RBFOX1: variants seen among roughly 807,000 people sequenced by gnomAD.
RBFOX1 encodes RNA binding protein fox-1 homolog 1.
A neutral mutation model predicts 57.7 loss-of-function variants in RBFOX1; 8 were observed. The observed-to-expected ratio is 0.14, with a 90% CI of 0.08 to 0.25. The LOEUF is 0.25. Among genes scored for constraint, RBFOX1 ranks in the 10% least tolerant of loss-of-function variants. The pLI is 1.00. For synonymous variants in RBFOX1, 326 were observed against 222.4 expected, an observed-to-expected ratio of 1.47 and a Z score of -4.15; for missense variants, 611 against 548.5, an observed-to-expected ratio of 1.11 and a Z score of -1.14.
At chr16:6,155,475 G>A (rs147627854) in intron 1 of RBFOX1, among the ~76,000 whole-genome samples, 272 of 152,278 alleles carry the variant, frequency 1.8e-3, no homozygotes, top group Middle Eastern at 6.8e-3. Flanking sequence ...TTTTCCCCCC[G>A]TTCATGTAAA....
At chr16:6,882,656 C>T (rs1259791488) in intron 3 of RBFOX1, among the ~76,000 whole-genome samples, 1 of 152,082 alleles carries the variant, frequency 6.6e-6, no homozygotes, top group Admixed American at 6.5e-5. Flanking sequence ...CAGTGTCTAG[C>T]ACTTGGCAGG....
At chr16:7,185,204 TC>T (rs2083477182) in intron 4 of RBFOX1, among the ~76,000 whole-genome samples, 2 of 152,170 alleles carry the variant, frequency 1.3e-5, no homozygotes, top group African/African-American at 4.8e-5. Flanking sequence ...CCTCTCTCTC[TC>T]TCTCTGCAGA....
At chr16:6,474,808 C>G (rs2095247620) in intron 2 of RBFOX1, among the ~76,000 whole-genome samples, 1 of 152,128 alleles carries the variant, frequency 6.6e-6, no homozygotes, top group South Asian at 2.1e-4. Flanking sequence ...AAATACGGTG[C>G]CCACTTTTTT....
chr16:6,001,422 C>T (rs2060598044), intron 4 of RBFOX1, among the ~76,000 whole-genome samples: 1 of 152,208 alleles, frequency 6.6e-6, no homozygotes, highest in South Asian at 2.1e-4. Flanking sequence ...CAAGTGCCTT[C>T]CATGGGCCAC....
In RBFOX1 at chr16:6,132,681, A is replaced by G. The variant is rs115177439; in HGVS notation, c.-127+112689A>G. 7.7e-3 allele frequency among the ~76,000 whole-genome samples: 1,178 copies of G among 152,282 alleles called. 9 individuals carry two copies. Among genetic ancestry groups the G allele is most frequent in the Middle Eastern group, 0.014 (4 of 294 alleles). ...ACAGAGGAAGGAAAAGTGACTGTATATTTGGGAGGAAAAAGTGAGATCTCT... is the reference window on the plus strand; with the variant it reads ...ACAGAGGAAGGAAAAGTGACTGTATGTTTGGGAGGAAAAAGTGAGATCTCT... On this transcript the variant is annotated intron_variant, in intron 1 of 15. Coordinates refer to ENST00000550418, the MANE Select transcript of RBFOX1 (RefSeq NM_018723.4).
At chr16:6,315,725 A>G (rs1400773964) in intron 1 of RBFOX1, among the ~76,000 whole-genome samples, 2 of 152,196 alleles carry the variant, frequency 1.3e-5, no homozygotes, top group African/African-American at 2.4e-5. Context: ...GGTGAATACT[A>G]TCACCACCAT....
rs550791437 is a variant in RBFOX1 at position 6,931,323 on chromosome 16, A to G, written c.-15-120734A>G. On this transcript the variant is annotated intron_variant, in intron 3 of 15. Coordinates refer to ENST00000550418, the MANE Select transcript of RBFOX1 (RefSeq NM_018723.4). ...TATCTATCTATCTATCTATCTATCTATCTATCTATCTATCTCTACACACAC... is the reference window on the plus strand; with the variant it reads ...TATCTATCTATCTATCTATCTATCTGTCTATCTATCTATCTCTACACACAC... 9.1e-4 allele frequency among the ~76,000 whole-genome samples: 115 copies of G among 126,840 alleles called. 1 individual carries two copies. The East Asian group carries it at 0.017, about 19-fold the overall frequency. The allele number at this position is 126,840 out of a possible 152,430, so 83.2% of individuals were successfully genotyped here.
At chr16:6,358,664 C>A (rs969418919) in intron 2 of RBFOX1, among the ~76,000 whole-genome samples, 5 of 152,160 alleles carry the variant, frequency 3.3e-5, no homozygotes, top group Non-Finnish European at 7.3e-5. Flanking sequence ...ATTTCACTTA[C>A]CCTAATGTCA....
chr16:7,099,649 C>T (rs2062321810), intron 4 of RBFOX1, among the ~76,000 whole-genome samples: 1 of 152,070 alleles, frequency 6.6e-6, no homozygotes, highest in Admixed American at 6.6e-5. Context: ...TGCTTTTATA[C>T]ATTTAGGGAG....
At chr16:6,798,815 T>G (rs2154254835) in intron 3 of RBFOX1, among the ~76,000 whole-genome samples, 1 of 152,278 alleles carries the variant, frequency 6.6e-6, no homozygotes. Flanking sequence ...CATCTGTGAT[T>G]AGATTGTGTT....
At chr16:5,960,574 C>A (rs2059727737) in intron 4 of RBFOX1, among the ~76,000 whole-genome samples, 2 of 152,096 alleles carry the variant, frequency 1.3e-5, no homozygotes, top group Non-Finnish European at 2.9e-5. Flanking sequence ...TTTTTTCTTG[C>A]CTTTTTTAGT....
chr16:6,696,923 A>G (rs2061139527), intron 3 of RBFOX1, among the ~76,000 whole-genome samples: 1 of 152,184 alleles, frequency 6.6e-6, no homozygotes, highest in African/African-American at 2.4e-5. Flanking sequence ...AAAACCCCCA[A>G]TATAAACTCC....
At chr16:7,287,021 C>A (rs528130514) in intron 4 of RBFOX1, among the ~76,000 whole-genome samples, 2 of 152,144 alleles carry the variant, frequency 1.3e-5, no homozygotes, top group African/African-American at 4.8e-5. Flanking sequence ...GCAGGCAATG[C>A]GTGATAGAAG....
chr16:7,313,246 A>G (rs1475099208), intron 4 of RBFOX1, among the ~76,000 whole-genome samples: 3 of 152,050 alleles, frequency 2.0e-5, no homozygotes, highest in Non-Finnish European at 2.9e-5. Context: ...AAAACTATGC[A>G]ATTTTTTGTT....
Position 6,142,709 on chromosome 16 carries a change from C to G in RBFOX1, c.-127+122717C>G, listed in dbSNP as rs1340198026. Among the ~76,000 whole-genome samples, 6 of 152,214 alleles carry G rather than the reference C, an allele frequency of 3.9e-5. No individual in the cohort carries two copies. In the East Asian group the frequency reaches 1.2e-3, roughly 29 times the overall value. On this transcript the variant is annotated intron_variant, in intron 1 of 15. Transcript: ENST00000550418. ...TGAATGAGGAATCCATTTACCTTCT[C>G]TAATCTCTGGCTTCATCTAGACCAA...
At chr16:6,338,502 C>G (rs930838336) in intron 2 of RBFOX1, among the ~76,000 whole-genome samples, 1 of 152,154 alleles carries the variant, frequency 6.6e-6, no homozygotes, top group Non-Finnish European at 1.5e-5. Context: ...AGTTTGAAAA[C>G]TAACACAGTT....
intron 3 of RBFOX1, among the ~76,000 whole-genome samples, chr16:6,981,093 C>T (rs1042243979): frequency 6.3e-5 from 9 of 142,666 alleles, no homozygotes; most frequent in Admixed American, 2.8e-4. Context: ...AGATCCAGTA[C>T]TTTTCCAATT....
At chr16:6,685,273 C>CT (rs202226687) in intron 3 of RBFOX1, among the ~76,000 whole-genome samples, 54,751 of 110,786 alleles carry the variant, frequency 0.49, 16,181 homozygotes, top group Non-Finnish European at 0.61. Context: ...GAGAGTTTTT[C>CT]TTTTTTTTTT....
At chr16:6,391,862 G>T (rs1481285702) in intron 2 of RBFOX1, among the ~76,000 whole-genome samples, 1 of 152,182 alleles carries the variant, frequency 6.6e-6, no homozygotes, top group Non-Finnish European at 1.5e-5. Context: ...CATATATATT[G>T]CACTCATTAC....
Sources: allele counts gnomAD v4.1 joint callset (sites outside exome capture counted in the v4.1 genomes callset), GRCh38; gene constraint gnomAD v4.1.1; transcripts MANE v1.5; gene names NCBI Gene and HGNC (gene_info 2026-07-23, HGNC 2026-07-21).